Variants in MATN4 observed in about 807,000 individuals in gnomAD.
MATN4 encodes matrilin-4.
MATN4 carries 40 observed loss-of-function variants against 54.6 expected under a neutral mutation model. That is an observed-to-expected ratio of 0.73 (90% CI 0.57 to 0.95). The LOEUF (loss-of-function observed/expected upper bound fraction) is 0.95. MATN4 is among the 40% of genes least tolerant of loss of function. MATN4 has a pLI of 0.00. For synonymous variants in MATN4, 351 were observed against 345.3 expected, an observed-to-expected ratio of 1.02 and a Z score of -0.18; for missense variants, 810 against 819.1, an observed-to-expected ratio of 0.99 and a Z score of 0.13.
At position 45,305,602 on chromosome 20, in the gene MATN4, T is replaced by C; in HGVS notation, c.-20A>G. 6.5e-7 allele frequency: 1 copy of C among 1,542,426 alleles called. No homozygotes were observed. Among genetic ancestry groups the C allele is most frequent in the Non-Finnish European group, 8.8e-7 (1 of 1,137,786 alleles). On this transcript the variant is annotated 5_prime_UTR_variant, in exon 2 of 10. Transcript: ENST00000372756. ...TCTCATGGCGCTTGGGGACAGAGAA[T>C]GGAGGTGTCAGAGCCTGGAGGGAGG...
In MATN4 at chr20:45,301,362, T is replaced by A. The variant is rs149919981; in HGVS notation, c.725A>T (p.Gln242Leu). The change falls in exon 4 of 10, where the codon CAA becomes CTA. Residue 242 changes from glutamine to leucine, a missense_variant. By Grantham distance (113) the Gln-to-Leu change is moderately radical (BLOSUM62 -2). Transcript: ENST00000372756. ...GTCCTGCTGGAGTACAAAGCCAACT[T>A]GGCAGTGACAGAAATAGGAGCCTGG... is the stretch of plus-strand genomic sequence containing the variant. ...NSPGSYFCHC[Q>L]VGFVLQQDQR... 26 of 1,614,076 alleles carry A rather than the reference T, an allele frequency of 1.6e-5. No homozygotes were observed. In the African/African-American group the frequency reaches 3.5e-4, roughly 22 times the overall value.
At chr20:45,302,773 A>G (rs1454847271) in intron 3 of MATN4, among the ~76,000 whole-genome samples, 1 of 152,026 alleles carries the variant, frequency 6.6e-6, no homozygotes, top group Admixed American at 6.6e-5. Context: ...GAGAAACTGT[A>G]AGGATGTGCC....
In MATN4 at chr20:45,298,625, G is replaced by C. The variant is rs1463744835; in HGVS notation, c.1013-42C>G. 6.8e-7 allele frequency: 1 copy of C among 1,477,280 alleles called. No individual in the cohort carries two copies. The highest frequency in any genetic ancestry group is 1.4e-5 in the African/African-American group (1 of 70,982). 91.5% of individuals were successfully genotyped at this position (1,477,280 alleles called of 1,614,324 possible). Reference sequence around the variant, plus strand: ...GCTTGAATTGAGGGACCAGATTCTGGACTGGCAGCAGCTGTCTATCCATCT... The same window carrying C: ...GCTTGAATTGAGGGACCAGATTCTGCACTGGCAGCAGCTGTCTATCCATCT... On this transcript the variant is annotated intron_variant, in intron 6 of 9. Transcript: ENST00000372756. This position sits in a 1 kb window ranked among gnomAD's most constrained non-coding sequence, Gnocchi z 4.6.
chr20:45,296,207 T>A, intron 8 of MATN4, among the ~76,000 whole-genome samples: 1 of 82,238 alleles, frequency 1.2e-5, no homozygotes, highest in Non-Finnish European at 2.1e-5. Flanking sequence ...AGAGCGAGAC[T>A]CCATCTCAAA....
At chr20:45,302,465 T>A (rs1986291976) in intron 3 of MATN4, among the ~76,000 whole-genome samples, 1 of 152,242 alleles carries the variant, frequency 6.6e-6, no homozygotes, top group African/African-American at 2.4e-5. Context: ...CGAGGTATTC[T>A]ATGCCATAGC....
Position 45,305,805 on chromosome 20 carries a change from C to CTTTTTTTTTTTTTTTTTTTTTTTTTTTTT in MATN4, c.-34-190_-34-189insAAAAAAAAAAAAAAAAAAAAAAAAAAAAA, listed in dbSNP as rs758735302. On this transcript the variant is annotated intron_variant, in intron 1 of 9. Coordinates refer to ENST00000372756, the MANE Select transcript of MATN4 (RefSeq NM_001393530.1). ...GGATTGCTGGGAAACACAAGAGATT[C>CTTTTTTTTTTTTTTTTTTTTTTTTTTTTT]TTTTTTTTTTTTTTTTTAGATAGAG... Among the ~76,000 whole-genome samples the CTTTTTTTTTTTTTTTTTTTTTTTTTTTTT allele has an allele frequency of 3.1e-4, 20 of 64,678 alleles. 8 individuals are homozygous for CTTTTTTTTTTTTTTTTTTTTTTTTTTTTT. In the East Asian group the frequency reaches 5.5e-3, roughly 18 times the overall value. 42.4% of individuals were successfully genotyped at this position (64,678 alleles called of 152,430 possible). A position where few individuals can be genotyped will look rare whatever the true frequency, so the allele number is the denominator to read the frequency against.
chr20:45,304,463 CTCCTCT>C lies in MATN4; in HGVS notation c.402_407del (p.Glu135_Glu136del). 6.4e-7 allele frequency: 1 copy of C among 1,564,998 alleles called. No homozygotes were observed. The highest frequency in any genetic ancestry group is 8.7e-7 in the Non-Finnish European group (1 of 1,148,474). ...CGATGACAGCGACACGCGGCACGCG[CTCCTCT>C]GGCGGTCGCGCGCCCTCGGCCACAC... is the stretch of plus-strand genomic sequence containing the variant. On this transcript the variant is annotated inframe_deletion, in exon 3 of 10. Transcript: ENST00000372756.
chr20:45,303,008 G>A (rs560635000), intron 3 of MATN4, among the ~76,000 whole-genome samples: 94 of 150,882 alleles, frequency 6.2e-4, no homozygotes, highest in African/African-American at 2.0e-3. Context: ...ACTTGAACCC[G>A]GGAGGCGGAG....
intron 1 of MATN4, among the ~76,000 whole-genome samples, chr20:45,307,167 T>A (rs1986786059): frequency 6.6e-6 from 1 of 152,110 alleles, no homozygotes; most frequent in Non-Finnish European, 1.5e-5. Context: ...TTCCAGCTCC[T>A]ACCCCACCGC....
intron 1 of MATN4, among the ~76,000 whole-genome samples, chr20:45,307,509 C>T (rs1330533461): frequency 6.6e-6 from 1 of 152,172 alleles, no homozygotes; most frequent in Non-Finnish European, 1.5e-5. Context: ...AAGCCAACAT[C>T]CCTGGACAGC....
chr20:45,300,011 G>A (rs1017098916), intron 6 of MATN4, among the ~76,000 whole-genome samples: 3 of 151,336 alleles, frequency 2.0e-5, no homozygotes, highest in Non-Finnish European at 4.4e-5. Context: ...GTTGGCGTGG[G>A]GAGGCTTTGA....
chr20:45,304,523 TGCCAGTCCCGTCATGGTGCCTTGC>T lies in MATN4; in HGVS notation c.324_347del (p.Gln109_Ala116del). 1 of 1,590,952 alleles carries T rather than the reference TGCCAGTCCCGTCATGGTGCCTTGC, an allele frequency of 6.3e-7. No individual in the cohort carries two copies. The highest frequency in any genetic ancestry group is 8.6e-7 in the Non-Finnish European group (1 of 1,162,566). ...AGGCCACGTTCATGGCGTACTGGATTGCCAGTCCCGTCATGGTGCCTTGCGCCAGAGGCACCAGGTCGCGGATGG... is the reference window on the plus strand; with the variant it reads ...AGGCCACGTTCATGGCGTACTGGATTGCCAGAGGCACCAGGTCGCGGATGG... On this transcript the variant is annotated inframe_deletion, in exon 3 of 10. Transcript: ENST00000372756.
chr20:45,293,851 G>T (rs1045291164), intron 9 of MATN4, 26 bp from the exon 10 acceptor site: 2 of 1,609,864 alleles, frequency 1.2e-6, no homozygotes, highest in African/African-American at 1.3e-5. Context: ...GGCCGTTGGG[G>T]TTCGCCGAGG....
chr20:45,305,463 G>T lies in MATN4; in HGVS notation c.73+47C>A, dbSNP rs78220140. The T allele has an allele frequency of 2.1e-6, 3 of 1,462,088 alleles. No individual in the cohort carries two copies. In the African/African-American group the frequency reaches 4.2e-5, roughly 21 times the overall value. The allele number at this position is 1,462,088 out of a possible 1,614,324, so 90.6% of individuals were successfully genotyped here. A position where few individuals can be genotyped will look rare whatever the true frequency, so the allele number is the denominator to read the frequency against. On this transcript the variant is annotated intron_variant, in intron 2 of 9. Transcript: ENST00000372756. Reference sequence around the variant, plus strand: ...GGAGCTGGCTGCAGAGGGAGGACCTGCTTCCGCTCCCCTCCTCCCACTGGT... The same window carrying T: ...GGAGCTGGCTGCAGAGGGAGGACCTTCTTCCGCTCCCCTCCTCCCACTGGT...
chr20:45,294,750 C>T (rs1284941803), intron 8 of MATN4, among the ~76,000 whole-genome samples: 1 of 152,160 alleles, frequency 6.6e-6, no homozygotes, highest in Non-Finnish European at 1.5e-5. Context: ...GGACCAGTAC[C>T]AGCCCATGGC....
At chr20:45,297,790 G>C (rs1985938961) in intron 8 of MATN4, 128 bp downstream of exon 8, 21 of 1,205,722 alleles carry the variant, frequency 1.7e-5, no homozygotes, top group Non-Finnish European at 2.1e-5. Flanking sequence ...ATTTGGAGTA[G>C]CAAAGCTCTG....
At chr20:45,297,329 G>A (rs894926238) in intron 8 of MATN4, among the ~76,000 whole-genome samples, 5 of 151,900 alleles carry the variant, frequency 3.3e-5, no homozygotes, top group African/African-American at 1.2e-4. Flanking sequence ...TACACTGCAT[G>A]CGATTCAAGA....
intron 1 of MATN4, chr20:45,306,946 T>C: frequency 8.0e-7 from 1 of 1,254,570 alleles, no homozygotes; most frequent in Non-Finnish European, 1.0e-6. Flanking sequence ...GGGCAGCAGG[T>C]GAGCGCTTAC....
Position 45,301,014 on chromosome 20 carries a change from A to T in MATN4, c.890-5T>A. 5.0e-6 allele frequency: 8 copies of T among 1,614,122 alleles called. No homozygotes were observed. The highest frequency in any genetic ancestry group is 6.8e-6 in the Non-Finnish European group (8 of 1,179,980). ...CGCCATTGCAAAGGTCCCGGACTGA[A>T]AGGAGAGACAGGTCAGGATGAGTCA... On this transcript the variant is annotated splice_region_variant and splice_polypyrimidine_tract_variant and intron_variant, in intron 5 of 9. Coordinates refer to ENST00000372756, the MANE Select transcript of MATN4 (RefSeq NM_001393530.1).
Sources: allele counts gnomAD v4.1 joint callset (sites outside exome capture counted in the v4.1 genomes callset), GRCh38; gene constraint gnomAD v4.1.1; non-coding constraint Gnocchi (gnomAD v3.1); transcripts MANE v1.5; gene names NCBI Gene and HGNC (gene_info 2026-07-23, HGNC 2026-07-21).